The following COL18A1 variants were observed in gnomAD, a reference collection of about 807,000 sequenced individuals.
COL18A1 encodes the protein collagen type XVIII alpha 1 chain.
In COL18A1, 133 loss-of-function variants were observed where a neutral mutation model predicts 168.0. The ratio of observed to expected loss-of-function variants is 0.79; its 90% CI spans 0.69 to 0.91. The LOEUF (loss-of-function observed/expected upper bound fraction) is 0.91, where lower values mean the gene tolerates loss of function less well. Ranked by LOEUF, COL18A1 falls within the 40% of genes least tolerant of loss-of-function variation. The probability of loss-of-function intolerance (pLI) is 0.00; values close to 1 mark genes in which losing one functional copy is unlikely to be tolerated. For missense variants in COL18A1, 2,126 were observed against 1,925.4 expected, an observed-to-expected ratio of 1.10 and a Z score of -1.95; for synonymous variants, 949 against 809.0, an observed-to-expected ratio of 1.17 and a Z score of -2.94.
chr21:45,461,365 A>G (rs1046052099), intron 2 of COL18A1, among the ~76,000 whole-genome samples: 1 of 151,990 alleles, frequency 6.6e-6, no homozygotes, highest in Admixed American at 6.5e-5. Flanking sequence ...CAGTAAGTCA[A>G]GGAGGCCCCC....
Position 45,500,528 on chromosome 21 carries a change from T to C in COL18A1, c.2683+2867T>C, listed in dbSNP as rs1177859954. Among the ~76,000 whole-genome samples, 40 of 49,476 alleles carry C rather than the reference T, an allele frequency of 8.1e-4. 2 individuals carry two copies. The highest frequency in any genetic ancestry group is 3.7e-3 in the African/African-American group (37 of 10,040). The allele number at this position is 49,476 out of a possible 152,430, so 32.5% of individuals were successfully genotyped here. The stretch of plus-strand genomic sequence containing the variant: ...GGGGTGTGGTTTGGTGTGTGTTGGG[T>C]GTGTAGGGTGTGGTTTGGTGTGTGT... On this transcript the variant is annotated intron_variant, in intron 32 of 41. Transcript: ENST00000651438.
rs556084484 is a variant in COL18A1 at position 45,503,859 on chromosome 21, G to T, written c.2684-152G>T. 8.0e-5 allele frequency: 50 copies of T among 627,740 alleles called. No individual in the cohort carries two copies. The African/African-American group carries it at 8.9e-4, about 11-fold the overall frequency. 38.9% of individuals were successfully genotyped at this position (627,740 alleles called of 1,614,324 possible). A position where few individuals can be genotyped will look rare whatever the true frequency, so the allele number is the denominator to read the frequency against. On this transcript the variant is annotated intron_variant, in intron 32 of 41. Transcript: ENST00000651438. ...TTAACAAAAACATCAGAAAGTATCG[G>T]TTAACTAGGAAGAACCTAATTAAAT...
chr21:45,505,992 G>C (rs377521846), intron 37 of COL18A1, 26 bp downstream of exon 37: 1 of 1,612,792 alleles, frequency 6.2e-7, no homozygotes, highest in Non-Finnish European at 8.5e-7. Context: ...GACGGGTTCT[G>C]GACCCGTGGA....
chr21:45,444,856 C>T (rs1044627444), intron 2 of COL18A1, among the ~76,000 whole-genome samples: 8 of 152,082 alleles, frequency 5.3e-5, no homozygotes, highest in African/African-American at 1.9e-4. Context: ...GAAAAACTTT[C>T]ATCAAATACA....
intron 2 of COL18A1, chr21:45,456,764 T>C (rs1266264223): frequency 6.5e-7 from 1 of 1,541,134 alleles, no homozygotes; most frequent in Admixed American, 2.0e-5. Flanking sequence ...CTGCCAGTTC[T>C]GCGAGGCCCT....
chr21:45,437,128 C>G (rs1346431718), intron 2 of COL18A1, among the ~76,000 whole-genome samples: 1 of 95,766 alleles, frequency 1.0e-5, no homozygotes, highest in Non-Finnish European at 2.0e-5. Flanking sequence ...CACAGACACA[C>G]AGGCACTCTC....
intron 2 of COL18A1, among the ~76,000 whole-genome samples, chr21:45,428,710 T>C (rs1236979978): frequency 1.3e-5 from 2 of 152,242 alleles, no homozygotes; most frequent in Middle Eastern, 3.4e-3. Flanking sequence ...GTTCCCGCAG[T>C]GCGAGGCCTT....
chr21:45,429,298 A>G (rs538051355), intron 2 of COL18A1, among the ~76,000 whole-genome samples: 2 of 152,278 alleles, frequency 1.3e-5, no homozygotes, highest in South Asian at 2.1e-4. Context: ...GGGCTCCCCA[A>G]GATGAAAGGC....
rs558373297 is a variant in COL18A1 at position 45,425,374 on chromosome 21, C to G, written c.106+19901C>G. 6.6e-6 allele frequency among the ~76,000 whole-genome samples: 1 copy of G among 152,210 alleles called. No individual in the cohort carries two copies. Among genetic ancestry groups the G allele is most frequent in the Non-Finnish European group, 1.5e-5 (1 of 68,042 alleles). Reference sequence around the variant, plus strand: ...CCCAGACTGGGCTCCCCTGGAGGACCCTGGTGCTGACACAGAGTCAGCGGG... The same window carrying G: ...CCCAGACTGGGCTCCCCTGGAGGACGCTGGTGCTGACACAGAGTCAGCGGG... On this transcript the variant is annotated intron_variant, in intron 2 of 41. Transcript: ENST00000651438. This position sits in a 1 kb window ranked among gnomAD's most constrained non-coding sequence, Gnocchi z 4.1.
chr21:45,504,473 G>A lies in COL18A1; in HGVS notation c.2785G>A (p.Gly929Ser), dbSNP rs758663679. ...GAAAGGCGAAAGGGGGGAGCCCGGG[G>A]GCGGCGGTTTCTTCGGCTCCAGCCT... is the stretch of plus-strand genomic sequence containing the variant. ...GQKGERGEPGGGGFFGSSLPG... is the reference protein window; with the variant it reads ...GQKGERGEPGSGGFFGSSLPG... Residue 929 changes from glycine (G) to serine (S), a missense_variant, in exon 34 of 42, where the codon GGC becomes AGC. Gly to Ser is a moderately conservative substitution (Grantham distance 56). Coordinates refer to ENST00000651438, the MANE Select transcript of COL18A1 (RefSeq NM_001379500.1). 1.3e-5 allele frequency: 21 copies of A among 1,608,346 alleles called. No individual in the cohort carries two copies. Among genetic ancestry groups the A allele is most frequent in the South Asian group, 7.7e-5 (7 of 90,884 alleles).
At chr21:45,491,898 G>A (rs2036366517) in intron 22 of COL18A1, among the ~76,000 whole-genome samples, 1 of 152,038 alleles carries the variant, frequency 6.6e-6, no homozygotes, top group Admixed American at 6.5e-5. Context: ...CAGGGCCCAG[G>A]GCAGCAGAGC....
chr21:45,485,149 A>ATTTTTTTTTTTTTTTTTTTT (rs751718038), intron 15 of COL18A1, among the ~76,000 whole-genome samples: 1 of 55,052 alleles, frequency 1.8e-5, no homozygotes, highest in Non-Finnish European at 3.3e-5. Context: ...CACCTGGCTA[A>ATTTTTTTTTTTTTTTTTTTT]TTTTTTTTTT....
At chr21:45,495,711 CACAT>C (rs2036512128) in intron 29 of COL18A1, 1 of 395,876 alleles carries the variant, frequency 2.5e-6, no homozygotes, top group East Asian at 5.0e-5. Flanking sequence ...CACACGCGCA[CACAT>C]ACACGCACAC....
intron 9 of COL18A1, among the ~76,000 whole-genome samples, chr21:45,479,440 A>C (rs2035809130): frequency 6.6e-6 from 1 of 152,120 alleles, no homozygotes; most frequent in Non-Finnish European, 1.5e-5. Flanking sequence ...ATGCACACAC[A>C]CCACACATTA....
rs73909575 is a variant in COL18A1, at chr21:45,466,159, G to T, written c.107-2083G>T. Reference sequence around the variant, plus strand: ...CACTGCAGAAGGGATGGACGTCCCCGGTCCCCTAAGATAAGGGACCCAAGG... The same window carrying T: ...CACTGCAGAAGGGATGGACGTCCCCTGTCCCCTAAGATAAGGGACCCAAGG... On this transcript the variant is annotated intron_variant, in intron 2 of 41. Coordinates refer to ENST00000651438, the MANE Select transcript of COL18A1 (RefSeq NM_001379500.1). Among the ~76,000 whole-genome samples the T allele has an allele frequency of 4.0e-3, 610 of 152,232 alleles. 6 individuals carry two copies. The highest frequency in any genetic ancestry group is 0.014 in the African/African-American group (589 of 41,538).
chr21:45,453,375 G>T (rs114924395), intron 2 of COL18A1, among the ~76,000 whole-genome samples: 1 of 152,140 alleles, frequency 6.6e-6, no homozygotes, highest in East Asian at 1.9e-4. Flanking sequence ...GAGCAGGAGT[G>T]AGCATACATA....
chr21:45,460,607 C>T (rs1328222285), intron 2 of COL18A1, among the ~76,000 whole-genome samples: 1 of 152,244 alleles, frequency 6.6e-6, no homozygotes, highest in East Asian at 1.9e-4. Flanking sequence ...ATGGTGCTTA[C>T]CTCTTGCTCC....
chr21:45,509,642 C>T (rs1027217043), intron 39 of COL18A1, 41 bp downstream of exon 39: 18 of 1,026,456 alleles, frequency 1.8e-5, no homozygotes, highest in Admixed American at 1.4e-4. Flanking sequence ...CATCTAGCCC[C>T]TCGGCTCTCG....
chr21:45,426,163 G>A (rs2033792501), intron 2 of COL18A1, among the ~76,000 whole-genome samples: 2 of 152,120 alleles, frequency 1.3e-5, no homozygotes, highest in Non-Finnish European at 2.9e-5. Flanking sequence ...GGACTGCAGT[G>A]GTGTAATCTT....
Sources: allele counts gnomAD v4.1 joint callset (sites outside exome capture counted in the v4.1 genomes callset), GRCh38; gene constraint gnomAD v4.1.1; non-coding constraint Gnocchi (gnomAD v3.1); transcripts MANE v1.5; gene names NCBI Gene and HGNC (gene_info 2026-07-23, HGNC 2026-07-21).